Variants in CACNA2D1 observed in about 807,000 individuals in gnomAD.
CACNA2D1 encodes the protein calcium voltage-gated channel auxiliary subunit alpha2delta 1.
A neutral mutation model predicts 171.5 loss-of-function variants in CACNA2D1; 53 were observed. The ratio of observed to expected loss-of-function variants is 0.31; its 90% CI spans 0.25 to 0.39. The LOEUF is 0.39. Among genes scored for constraint, CACNA2D1 ranks in the 10% least tolerant of loss-of-function variants. The pLI, the probability that CACNA2D1 is intolerant of heterozygous loss-of-function variation, is 1.00. For synonymous variants in CACNA2D1, 442 were observed against 443.1 expected (o/e 1.00, Z 0.03); for missense variants, 903 against 1,299.8 (o/e 0.69, Z 4.69).
At chr7:82,029,477 A>G (rs1263560048) in intron 12 of CACNA2D1, 1 of 151,726 alleles carries the variant, frequency 6.6e-6, no homozygotes, top group Admixed American at 6.6e-5. Flanking sequence ...TGTGCGCACA[A>G]CTTGACCCTG....
At chr7:82,443,202 G>A (rs1404948723) in intron 1 of CACNA2D1, among the ~76,000 whole-genome samples, 163 bp downstream of exon 1, 1 of 151,948 alleles carries the variant, frequency 6.6e-6, no homozygotes, top group Non-Finnish European at 1.5e-5. Context: ...GCGGCGAGCG[G>A]CGCGCACCGC....
At position 82,443,749 on chromosome 7, in the gene CACNA2D1, G is replaced by C; in HGVS notation, c.-290C>G. The C allele has an allele frequency of 8.4e-7, 1 of 1,188,992 alleles. No homozygotes were observed. The highest frequency in any genetic ancestry group is 1.1e-6 in the Non-Finnish European group (1 of 949,350). The allele number at this position is 1,188,992 out of a possible 1,614,324, so 73.7% of individuals were successfully genotyped here. A position where few individuals can be genotyped will look rare whatever the true frequency, so the allele number is the denominator to read the frequency against. On this transcript the variant is annotated 5_prime_UTR_variant, in exon 1 of 39. Transcript: ENST00000356860. ...GGCGACTTTGGAAACAGACCTCGGC[G>C]AGCCCGCCGGCGCTCGCGCGCTCTC...
intron 3 of CACNA2D1, among the ~76,000 whole-genome samples, chr7:82,194,489 T>C (rs918728341): frequency 3.9e-5 from 6 of 152,016 alleles, no homozygotes; most frequent in Admixed American, 6.6e-5. Context: ...AGTAGTTACA[T>C]AGTGGATCTC....
At chr7:81,968,064 T>C (rs1794896604) in intron 29 of CACNA2D1, among the ~76,000 whole-genome samples, 1 of 150,796 alleles carries the variant, frequency 6.6e-6, no homozygotes, top group Admixed American at 6.7e-5. Flanking sequence ...AGTAGGAGAG[T>C]GGGTGAATAA....
At chr7:82,224,776 C>G (rs1486558982) in intron 3 of CACNA2D1, among the ~76,000 whole-genome samples, 1 of 152,050 alleles carries the variant, frequency 6.6e-6, no homozygotes, top group African/African-American at 2.4e-5. Context: ...CTGGGTCTTC[C>G]CCTCAGCAAA....
intron 3 of CACNA2D1, among the ~76,000 whole-genome samples, chr7:82,333,035 C>T (rs550753593): frequency 1.3e-5 from 2 of 151,962 alleles, no homozygotes; most frequent in African/African-American, 4.8e-5. Flanking sequence ...TAAACTGAAG[C>T]TCCAGCATTA....
rs141085590 is a variant in CACNA2D1, at chr7:82,188,480, A to G, written c.295-17871T>C. Reference sequence around the variant, plus strand: ...TAAATAAATCGGTAATATAATATTAAAAAGTATCATCATGGGAACTTGGTA... The same window carrying G: ...TAAATAAATCGGTAATATAATATTAGAAAGTATCATCATGGGAACTTGGTA... On this transcript the variant is annotated intron_variant, in intron 3 of 38. Transcript: ENST00000356860. 3.1e-3 allele frequency among the ~76,000 whole-genome samples: 478 copies of G among 152,216 alleles called. 4 individuals carry two copies. The highest frequency in any genetic ancestry group is 0.011 in the African/African-American group (446 of 41,554).
At chr7:82,376,131 A>T (rs1290375972) in intron 1 of CACNA2D1, among the ~76,000 whole-genome samples, 1 of 152,198 alleles carries the variant, frequency 6.6e-6, no homozygotes, top group Non-Finnish European at 1.5e-5. Flanking sequence ...ATGGGTAAGA[A>T]ATGTAGTTAG....
At chr7:82,252,863 C>T (rs1199220357) in intron 3 of CACNA2D1, among the ~76,000 whole-genome samples, 3 of 151,870 alleles carry the variant, frequency 2.0e-5, no homozygotes, top group Non-Finnish European at 1.5e-5. Context: ...GCACTCCAGC[C>T]TGGGTGACAG....
At chr7:82,309,849 T>A (rs892168209) in intron 3 of CACNA2D1, among the ~76,000 whole-genome samples, 1 of 152,132 alleles carries the variant, frequency 6.6e-6, no homozygotes, top group Non-Finnish European at 1.5e-5. Flanking sequence ...CTGAATGCCA[T>A]GTGAGTACTC....
chr7:82,206,887 T>C (rs1356034095), intron 3 of CACNA2D1, among the ~76,000 whole-genome samples: 1 of 152,202 alleles, frequency 6.6e-6, no homozygotes, highest in African/African-American at 2.4e-5. Flanking sequence ...TATAATATTC[T>C]TTAGAGAATA....
In CACNA2D1 at chr7:82,066,497, G is replaced by A; in HGVS notation, c.686C>T (p.Thr229Ile). 6.3e-7 allele frequency: 1 copy of A among 1,596,902 alleles called. No homozygotes were observed. The highest frequency in any genetic ancestry group is 8.5e-7 in the Non-Finnish European group (1 of 1,173,264). The change falls in exon 8 of 39, where the codon ACT (threonine) becomes ATT (isoleucine). Residue 229 changes from threonine (T) to isoleucine (I), a missense_variant. Thr to Ile is a moderately conservative substitution (Grantham distance 89). Around this residue, in one of 5 missense-constraint regions of CACNA2D1, gnomAD observed 189 missense variants for 266.8 expected, o/e 0.71. Coordinates refer to ENST00000356860, the MANE Select transcript of CACNA2D1 (RefSeq NM_000722.4). ...PASPWVDNSR[T>I]PNKIDLYDVR... ...ATCATAAAGGTCAATCTTATTTGGA[G>A]TTCTACTATTATCAACCCATGGTGA... is the stretch of plus-strand genomic sequence containing the variant.
chr7:82,088,228 C>G (rs1180572899), intron 6 of CACNA2D1, among the ~76,000 whole-genome samples: 2 of 152,016 alleles, frequency 1.3e-5, no homozygotes, highest in African/African-American at 4.8e-5. Flanking sequence ...GTGCCTTTCT[C>G]TATTCTTAGA....
chr7:81,964,621 C>T (rs1794505067), intron 32 of CACNA2D1, among the ~76,000 whole-genome samples: 1 of 151,850 alleles, frequency 6.6e-6, no homozygotes, highest in South Asian at 2.1e-4. Context: ...CATTAAATCA[C>T]AATCAAATGC....
intron 3 of CACNA2D1, among the ~76,000 whole-genome samples, chr7:82,204,999 G>C (rs116103083): frequency 3.8e-4 from 58 of 152,298 alleles, no homozygotes; most frequent in African/African-American, 1.3e-3. Flanking sequence ...CGGAGTCACT[G>C]TTGTCTGTCA....
intron 29 of CACNA2D1, 137 bp downstream of exon 29, chr7:81,968,750 A>AT: frequency 4.9e-6 from 3 of 614,884 alleles, no homozygotes; most frequent in Non-Finnish European, 8.8e-6. Flanking sequence ...ATTTTATTTA[A>AT]TTTTTTTAAG....
intron 3 of CACNA2D1, among the ~76,000 whole-genome samples, chr7:82,306,370 C>T (rs147913370): frequency 0.011 from 1,647 of 152,214 alleles, 7 homozygotes; most frequent in Non-Finnish European, 0.016. Flanking sequence ...GAAGTTCCAT[C>T]CCTTTAAGAA....
chr7:82,156,377 G>A (rs947444162), intron 4 of CACNA2D1, among the ~76,000 whole-genome samples: 6 of 152,076 alleles, frequency 3.9e-5, no homozygotes, highest in Admixed American at 2.6e-4. Context: ...CCACAAATAC[G>A]GCTCCAAGGG....
At chr7:82,114,337 AAAGT>A (rs1009088157) in intron 6 of CACNA2D1, among the ~76,000 whole-genome samples, 4 of 152,234 alleles carry the variant, frequency 2.6e-5, no homozygotes, top group African/African-American at 7.2e-5. Context: ...ATTCTAATGC[AAAGT>A]AAGTATCTTA....
Sources: gnomAD v4.1 joint callset for allele counts (sites outside exome capture counted in the v4.1 genomes callset) on GRCh38, gnomAD v4.1.1 for gene constraint, gnomAD v4.1.1 regional missense constraint, MANE v1.5 for transcripts, NCBI Gene and HGNC (gene_info 2026-07-23, HGNC 2026-07-21) for gene names.